Variants in LRP2 observed in about 807,000 individuals in gnomAD.
LRP2 encodes LDL receptor related protein 2, also known as low-density lipoprotein receptor-related protein 2.
LRP2 carries 172 observed loss-of-function variants against 531.0 expected under a neutral mutation model. That is an observed-to-expected ratio of 0.32 (90% CI 0.29 to 0.37). The LOEUF is 0.37. Ranked by LOEUF, LRP2 falls within the 10% of genes least tolerant of loss-of-function variation. LRP2 has a pLI of 1.00. For missense variants in LRP2, 5,167 were observed against 5,868.3 expected (o/e 0.88, Z 3.90); for synonymous variants, 1,992 against 2,027.6 (o/e 0.98, Z 0.47).
At chr2:169,203,106 T>C (rs1688257458) in intron 42 of LRP2, 147 bp from the exon 43 acceptor site, 4 of 707,902 alleles carry the variant, frequency 5.7e-6, no homozygotes, top group Non-Finnish European at 1.0e-5. Context: ...CTTTTAACTA[T>C]ATTCTGAGTC....
At chr2:169,297,781 T>C (rs551577996) in intron 4 of LRP2, among the ~76,000 whole-genome samples, 1 of 152,286 alleles carries the variant, frequency 6.6e-6, no homozygotes, top group South Asian at 2.1e-4. Flanking sequence ...GTAGACCTCT[T>C]AGAATGGAAA....
chr2:169,179,170 CTAATTTTTG>C (rs1227527354), intron 52 of LRP2, among the ~76,000 whole-genome samples: 1 of 151,980 alleles, frequency 6.6e-6, no homozygotes, highest in African/African-American at 2.4e-5. Context: ...GCACATCCAG[CTAATTTTTG>C]TAATTTTTGT....
In LRP2 at chr2:169,207,049, T is replaced by C. The variant is rs957137487; in HGVS notation, c.6671A>G (p.Asn2224Ser). The C allele has an allele frequency of 6.8e-6, 11 of 1,614,020 alleles. No homozygotes were observed. In the East Asian group the frequency reaches 1.1e-4, roughly 16 times the overall value. Residue 2224 changes from asparagine to serine, a missense_variant, in exon 39 of 79, where the codon AAT (asparagine) becomes AGT (serine). Around this residue, in one of 6 missense-constraint regions of LRP2, gnomAD observed 2,811 missense variants for 3,058.0 expected, o/e 0.92. Coordinates refer to ENST00000649046, the MANE Select transcript of LRP2 (RefSeq NM_004525.3). ...KIERSFLDCTNRTVLVSEGIV... is the reference protein window; with the variant it reads ...KIERSFLDCTSRTVLVSEGIV... ...GCCCTCTGACACAAGCACTGTTCGATTGGTACAGTCAAGGAAAGAACGCTC... is the reference window on the plus strand; with the variant it reads ...GCCCTCTGACACAAGCACTGTTCGACTGGTACAGTCAAGGAAAGAACGCTC...
rs1257367568 is a variant in LRP2 at position 169,165,958 on chromosome 2, T to A, written c.11732A>T (p.Asp3911Val). 1 of 1,613,978 alleles carries A rather than the reference T, an allele frequency of 6.2e-7. No individual in the cohort carries two copies. The highest frequency in any genetic ancestry group is 1.1e-5 in the South Asian group (1 of 91,080). ...EVCNGVDDCG[D>V]GTDETEEHCR... is the part of the protein sequence containing the mutation. ...GTGCTCCTCTGTCTCATCAGTTCCATCTCCACAGTCATCCACACCATTGCA... is the reference window on the plus strand; with the variant it reads ...GTGCTCCTCTGTCTCATCAGTTCCAACTCCACAGTCATCCACACCATTGCA... The change falls in exon 62 of 79, where the codon GAT becomes GTT. Residue 3911 changes from aspartate (D) to valine (V), a missense_variant. Coordinates refer to ENST00000649046, the MANE Select transcript of LRP2 (RefSeq NM_004525.3).
intron 63 of LRP2, among the ~76,000 whole-genome samples, chr2:169,157,885 T>C (rs182593747): frequency 8.0e-5 from 12 of 149,460 alleles, no homozygotes; most frequent in East Asian, 3.9e-4. Flanking sequence ...GATAGAGAGA[T>C]AGATGATAGA....
intron 9 of LRP2, among the ~76,000 whole-genome samples, chr2:169,284,285 G>C (rs190992386): frequency 0.15 from 1,462 of 9,946 alleles, 43 homozygotes; most frequent in African/African-American, 0.24. Context: ...TTTTTTTTGA[G>C]ATGGAGTCAC....
chr2:169,358,355 A>C (rs1392185202), intron 1 of LRP2, among the ~76,000 whole-genome samples: 1 of 152,018 alleles, frequency 6.6e-6, no homozygotes, highest in African/African-American at 2.4e-5. Context: ...CTTATCTGTA[A>C]GAAAAAAAAA....
chr2:169,288,949 T>A lies in LRP2; in HGVS notation c.1042+77A>T. Reference sequence around the variant, plus strand: ...ATGACGACTCTCCACAAGTGCAACCTCCTAGATGTCAGAGATCAGGGCACC... The same window carrying A: ...ATGACGACTCTCCACAAGTGCAACCACCTAGATGTCAGAGATCAGGGCACC... On this transcript the variant is annotated intron_variant, in intron 9 of 78. Coordinates refer to ENST00000649046, the MANE Select transcript of LRP2 (RefSeq NM_004525.3). The A allele has an allele frequency of 2.5e-6, 4 of 1,606,024 alleles. No homozygotes were observed. In the South Asian group the frequency reaches 4.4e-5, roughly 18 times the overall value.
At chr2:169,150,877 A>G (rs561705383) in intron 68 of LRP2, 21 bp downstream of exon 68, 2 of 1,613,798 alleles carry the variant, frequency 1.2e-6, no homozygotes, top group Admixed American at 1.7e-5. Context: ...CTAGATGTTG[A>G]AGACTTCTCC....
At chr2:169,205,680 T>C in intron 40 of LRP2, 43 bp from the exon 41 acceptor site, 3 of 1,515,786 alleles carry the variant, frequency 2.0e-6, no homozygotes, top group South Asian at 1.1e-5. Context: ...ACAGGGAACC[T>C]CATAGTCCTT....
At chr2:169,160,261 A>G (rs1686523634) in intron 63 of LRP2, among the ~76,000 whole-genome samples, 2 of 152,192 alleles carry the variant, frequency 1.3e-5, no homozygotes, top group Non-Finnish European at 1.5e-5. Flanking sequence ...AAGACAGTAG[A>G]CTTTAGGTGC....
intron 4 of LRP2, among the ~76,000 whole-genome samples, chr2:169,299,711 A>G (rs1684240285): frequency 6.6e-6 from 1 of 152,096 alleles, no homozygotes; most frequent in Non-Finnish European, 1.5e-5. Flanking sequence ...ACATGTTTTC[A>G]TTGAAAGCCA....
Position 169,346,182 on chromosome 2 carries a change from A to G in LRP2, c.79+16139T>C, listed in dbSNP as rs563848422. 4.6e-5 allele frequency among the ~76,000 whole-genome samples: 7 copies of G among 152,350 alleles called. No individual in the cohort carries two copies. The South Asian group carries it at 8.3e-4, about 18-fold the overall frequency. On this transcript the variant is annotated intron_variant, in intron 1 of 78. Coordinates refer to ENST00000649046, the MANE Select transcript of LRP2 (RefSeq NM_004525.3). ...CAGGGAAACGAAAGTGTTCAATACA[A>G]TATGATCCTTCTTAGCCCAAGTCCC...
chr2:169,161,628 T>C (rs1022261023), intron 63 of LRP2, among the ~76,000 whole-genome samples: 2 of 152,050 alleles, frequency 1.3e-5, no homozygotes, highest in Non-Finnish European at 2.9e-5. Flanking sequence ...TGCACACCAC[T>C]ACACCCAGCA....
In LRP2 at chr2:169,216,399, T is replaced by C; in HGVS notation, c.5680A>G (p.Ser1894Gly). ...KLYWSDQGTD[S>G]GVPAKIASAN... ...CTGGCGATCTTGGCAGGAACCCCAC[T>C]GTCAGTTCCTTGGTCTGACCAGTAC... The change falls in exon 35 of 79, where the codon AGT becomes GGT. Residue 1894 changes from serine to glycine, a missense_variant. By Grantham distance (56) the Ser-to-Gly change is moderately conservative (BLOSUM62 0). Around this residue, in one of 6 missense-constraint regions of LRP2, gnomAD observed 2,811 missense variants for 3,058.0 expected, o/e 0.92. Coordinates refer to ENST00000649046, the MANE Select transcript of LRP2 (RefSeq NM_004525.3). The C allele has an allele frequency of 1.1e-5, 18 of 1,613,608 alleles. No individual in the cohort carries two copies. Among genetic ancestry groups the C allele is most frequent in the Non-Finnish European group, 1.4e-5 (17 of 1,179,646 alleles).
At chr2:169,169,160 G>A (rs1433535585) in intron 60 of LRP2, among the ~76,000 whole-genome samples, 3 of 152,156 alleles carry the variant, frequency 2.0e-5, no homozygotes, top group Non-Finnish European at 4.4e-5. Flanking sequence ...CAGTTACTGT[G>A]TCTATGTAGA....
At chr2:169,192,832 T>A (rs1240184592) in intron 47 of LRP2, among the ~76,000 whole-genome samples, 2 of 152,070 alleles carry the variant, frequency 1.3e-5, no homozygotes, top group East Asian at 3.9e-4. Flanking sequence ...CCCATGTCAG[T>A]GGATAGGGTG....
intron 54 of LRP2, among the ~76,000 whole-genome samples, chr2:169,176,022 C>G (rs1335175286): frequency 6.6e-6 from 1 of 152,140 alleles, no homozygotes; most frequent in Non-Finnish European, 1.5e-5. Context: ...AACCCTGGAT[C>G]CCCTAGCATA....
chr2:169,170,929 T>G (rs1686977546), intron 58 of LRP2, among the ~76,000 whole-genome samples: 1 of 146,304 alleles, frequency 6.8e-6, no homozygotes, highest in Admixed American at 6.8e-5. Flanking sequence ...CTGTTTTTTT[T>G]TTTTTTTTTT....
Sources: allele counts gnomAD v4.1 joint callset (sites outside exome capture counted in the v4.1 genomes callset), GRCh38; gene constraint gnomAD v4.1.1; regional missense constraint gnomAD v4.1.1; transcripts MANE v1.5; gene names NCBI Gene and HGNC (gene_info 2026-07-23, HGNC 2026-07-21).